The following HMCN1 variants were observed in gnomAD, a reference collection of about 807,000 sequenced individuals.
The protein encoded by HMCN1 is hemicentin-1.
HMCN1 carries 321 observed loss-of-function variants against 625.9 expected under a neutral mutation model. The ratio of observed to expected loss-of-function variants is 0.51; its 90% CI spans 0.47 to 0.56. HMCN1 has a LOEUF of 0.56. Ranked by LOEUF, HMCN1 falls within the 20% of genes least tolerant of loss-of-function variation. The pLI is 0.00. For synonymous variants in HMCN1, 2,425 were observed against 2,417.6 expected (o/e 1.00, Z -0.09); for missense variants, 6,588 against 6,887.3 (o/e 0.96, Z 1.54).
intron 4 of HMCN1, among the ~76,000 whole-genome samples, chr1:185,904,907 C>CA (rs1358712411): frequency 6.6e-6 from 1 of 151,670 alleles, no homozygotes; most frequent in Non-Finnish European, 1.5e-5. Context: ...AACTTTCTAC[C>CA]ATCACTGAGC....
intron 4 of HMCN1, among the ~76,000 whole-genome samples, chr1:185,900,190 T>G (rs2102431044): frequency 6.6e-6 from 1 of 152,166 alleles, no homozygotes. Flanking sequence ...CTTCCAAAAT[T>G]TGGATTCTTG....
chr1:185,856,402 A>C (rs939836503), intron 2 of HMCN1, among the ~76,000 whole-genome samples: 1 of 151,710 alleles, frequency 6.6e-6, no homozygotes, highest in African/African-American at 2.4e-5. Flanking sequence ...AGGCAGGAGA[A>C]TCTCTTGAGC....
chr1:186,159,493 G>A (rs1324536856), intron 97 of HMCN1, among the ~76,000 whole-genome samples: 1 of 152,130 alleles, frequency 6.6e-6, no homozygotes, highest in Non-Finnish European at 1.5e-5. Context: ...TCCCTGTCTT[G>A]TGCCAGTTTT....
At chr1:186,088,384 T>C in intron 62 of HMCN1, 108 bp downstream of exon 62, 2 of 1,550,070 alleles carry the variant, frequency 1.3e-6, no homozygotes, top group Non-Finnish European at 1.8e-6. Context: ...TAGGGGTGTT[T>C]AGTTCAAGAA....
At chr1:186,020,387 AAT>A (rs1654645420) in intron 35 of HMCN1, among the ~76,000 whole-genome samples, 1 of 152,028 alleles carries the variant, frequency 6.6e-6, no homozygotes, top group South Asian at 2.1e-4. Flanking sequence ...TGAGTTCCCT[AAT>A]GAGAGATATG....
chr1:185,771,317 A>C (rs1333520284), intron 1 of HMCN1, among the ~76,000 whole-genome samples: 4 of 152,204 alleles, frequency 2.6e-5, no homozygotes, highest in Non-Finnish European at 5.9e-5. Context: ...CCCTGATCAA[A>C]GTAAGCTGTT....
chr1:185,800,137 G>A, intron 1 of HMCN1, among the ~76,000 whole-genome samples: 1 of 152,194 alleles, frequency 6.6e-6, no homozygotes, highest in East Asian at 1.9e-4. Flanking sequence ...GTGATAGTGG[G>A]ACCCACTTAG....
intron 77 of HMCN1, among the ~76,000 whole-genome samples, chr1:186,117,961 C>T (rs1160742123): frequency 2.6e-5 from 4 of 151,930 alleles, no homozygotes; most frequent in Non-Finnish European, 5.9e-5. Context: ...TTTCATTGGC[C>T]AAATAGAATG....
chr1:185,816,553 C>A (rs1006712777), intron 1 of HMCN1, among the ~76,000 whole-genome samples: 4 of 152,106 alleles, frequency 2.6e-5, no homozygotes, highest in Non-Finnish European at 4.4e-5. Flanking sequence ...TGATGTATAA[C>A]GTTTTTATGC....
chr1:185,767,441 T>G (rs1655947273), intron 1 of HMCN1, among the ~76,000 whole-genome samples: 1 of 152,226 alleles, frequency 6.6e-6, no homozygotes, highest in African/African-American at 2.4e-5. Flanking sequence ...AGGGAATAAG[T>G]AACTTTGGAA....
At chr1:185,747,063 AG>A (rs112835488) in intron 1 of HMCN1, among the ~76,000 whole-genome samples, 5,865 of 152,208 alleles carry the variant, frequency 0.039, 334 homozygotes, top group African/African-American at 0.13. Flanking sequence ...GAATTTTTGG[AG>A]GACATAATTC....
At chr1:185,986,586 CTTCCTT>C (rs1652010319) in intron 19 of HMCN1, among the ~76,000 whole-genome samples, 1 of 152,044 alleles carries the variant, frequency 6.6e-6, no homozygotes, top group Non-Finnish European at 1.5e-5. Context: ...AGGGATTAAC[CTTCCTT>C]TTCCTTTTGC....
chr1:185,800,242 A>G (rs1285215436), intron 1 of HMCN1, among the ~76,000 whole-genome samples: 1 of 152,094 alleles, frequency 6.6e-6, no homozygotes, highest in African/African-American at 2.4e-5. Context: ...AGCAGGCTGC[A>G]TTGCTTCCCT....
intron 42 of HMCN1, among the ~76,000 whole-genome samples, chr1:186,050,966 G>A (rs1025727570): frequency 2.6e-5 from 4 of 151,988 alleles, no homozygotes; most frequent in African/African-American, 7.2e-5. Flanking sequence ...TATGAGACAC[G>A]TTTAACTGAG....
In HMCN1 at chr1:185,899,112, A is replaced by T. The variant is rs533444129; in HGVS notation, c.622-10225A>T. On this transcript the variant is annotated intron_variant, in intron 4 of 106. Coordinates refer to ENST00000271588, the MANE Select transcript of HMCN1 (RefSeq NM_031935.3). Reference sequence around the variant, plus strand: ...TGAGGGGGAATTTTGCAGAAGTAAGATATTTAAGCTATGATAGACCATTAT... The same window carrying T: ...TGAGGGGGAATTTTGCAGAAGTAAGTTATTTAAGCTATGATAGACCATTAT... Among the ~76,000 whole-genome samples the T allele has an allele frequency of 2.0e-5, 3 of 152,254 alleles. No individual in the cohort carries two copies. The South Asian group carries it at 6.2e-4, about 32-fold the overall frequency.
chr1:185,881,322 G>T (rs1011985919), intron 4 of HMCN1, among the ~76,000 whole-genome samples: 1 of 152,178 alleles, frequency 6.6e-6, no homozygotes, highest in Non-Finnish European at 1.5e-5. Flanking sequence ...GCAGAAAAGG[G>T]GATGGAGTAG....
chr1:185,965,152 T>C (rs748972902), intron 13 of HMCN1, among the ~76,000 whole-genome samples: 1 of 152,050 alleles, frequency 6.6e-6, no homozygotes, highest in East Asian at 1.9e-4. Context: ...AACTGAACCA[T>C]TGGGCAAGCA....
At position 186,123,229 on chromosome 1, in the gene HMCN1, T is replaced by C. The variant is rs1214568239; in HGVS notation, c.12499+9T>C. 14 of 1,611,578 alleles carry C rather than the reference T, an allele frequency of 8.7e-6. No homozygotes were observed. The highest frequency in any genetic ancestry group is 1.1e-5 in the Non-Finnish European group (13 of 1,178,760). On this transcript the variant is annotated intron_variant, in intron 81 of 106. Transcript: ENST00000271588. Reference sequence around the variant, plus strand: ...CAAGCTCACCGTCCATGGTAGGTTGTTTAACATGAATTATTTTAGTCTGCT... The same window carrying C: ...CAAGCTCACCGTCCATGGTAGGTTGCTTAACATGAATTATTTTAGTCTGCT...
intron 15 of HMCN1, among the ~76,000 whole-genome samples, chr1:185,971,723 G>A (rs1452018462): frequency 6.6e-6 from 1 of 152,006 alleles, no homozygotes; most frequent in Non-Finnish European, 1.5e-5. Context: ...TTTGTTTCAT[G>A]TAAGCTAAAT....
Sources: gnomAD v4.1 joint callset for allele counts (sites outside exome capture counted in the v4.1 genomes callset) on GRCh38, gnomAD v4.1.1 for gene constraint, MANE v1.5 for transcripts, NCBI Gene and HGNC (gene_info 2026-07-23, HGNC 2026-07-21) for gene names.